NBAS: variants seen among roughly 807,000 people sequenced by gnomAD.
NBAS encodes the protein NBAS subunit of NRZ tethering complex.
Under a neutral mutation model 302.5 loss-of-function variants are expected in NBAS, and 219 were observed. That is an observed-to-expected ratio of 0.72 (90% CI 0.65 to 0.81). The LOEUF (loss-of-function observed/expected upper bound fraction) is 0.81. Ranked by LOEUF, NBAS falls within the 30% of genes least tolerant of loss-of-function variation. The probability of loss-of-function intolerance (pLI) is 0.00; values close to 1 mark genes in which losing one functional copy is unlikely to be tolerated. For synonymous variants in NBAS, 1,118 were observed against 1,021.6 expected, an observed-to-expected ratio of 1.09 and a Z score of -1.80; for missense variants, 2,932 against 2,841.6, an observed-to-expected ratio of 1.03 and a Z score of -0.72.
the NBAS span, among the ~76,000 whole-genome samples, chr2:14,869,496 T>C: frequency 3.3e-5 from 5 of 151,988 alleles, no homozygotes; most frequent in Admixed American, 3.3e-4. Context: ...CTACTCCTTC[T>C]TTTATGTTTT....
At chr2:14,991,032 C>T in the NBAS span, among the ~76,000 whole-genome samples, 98 of 152,114 alleles carry the variant, frequency 6.4e-4, no homozygotes, top group South Asian at 1.5e-3. Context: ...AGGAGGAAGA[C>T]AAAAGGAGGT....
the NBAS span, among the ~76,000 whole-genome samples, chr2:15,003,836 A>G: frequency 2.6e-5 from 4 of 152,226 alleles, no homozygotes; most frequent in African/African-American, 9.6e-5. Flanking sequence ...AAAGCACCTG[A>G]TATTTCAAGT....
intron 21 of NBAS, among the ~76,000 whole-genome samples, chr2:15,443,072 G>C (rs1210639461): frequency 4.0e-5 from 6 of 151,874 alleles, no homozygotes; most frequent in East Asian, 3.9e-4. Context: ...TCTACCAGAG[G>C]TACAAGGAGG....
chr2:15,244,534 CT>C, intron 44 of NBAS, among the ~76,000 whole-genome samples: 1 of 152,278 alleles, frequency 6.6e-6, no homozygotes, highest in Non-Finnish European at 1.5e-5. Context: ...CCAAATATCT[CT>C]TATTGTCTCC....
the NBAS span, among the ~76,000 whole-genome samples, chr2:14,885,236 G>A: frequency 3.9e-5 from 6 of 152,260 alleles, no homozygotes; most frequent in Admixed American, 2.6e-4. Context: ...ATGGTAGCTC[G>A]GACTAGAGTA....
chr2:14,877,653 T>G, the NBAS span, among the ~76,000 whole-genome samples: 1 of 152,102 alleles, frequency 6.6e-6, no homozygotes, highest in African/African-American at 2.4e-5. Context: ...TTTTAATGCA[T>G]TCGCTCAAAT....
At chr2:15,554,228 C>G (rs1290784531) in intron 3 of NBAS, 90 bp from the exon 4 acceptor site, 2 of 1,088,784 alleles carry the variant, frequency 1.8e-6, no homozygotes, top group Admixed American at 2.0e-5. Context: ...TAGAGAGAGA[C>G]ACAGATTTTT....
chr2:15,287,473 C>T (rs1670098168), intron 41 of NBAS, among the ~76,000 whole-genome samples: 1 of 152,164 alleles, frequency 6.6e-6, no homozygotes, highest in African/African-American at 2.4e-5. Context: ...ACATTGTGAG[C>T]ATAAAAAGTG....
intron 38 of NBAS, among the ~76,000 whole-genome samples, chr2:15,322,797 G>A (rs1671872570): frequency 6.6e-6 from 1 of 152,052 alleles, no homozygotes. Context: ...TCTGACAAAT[G>A]TTTGACACTA....
chr2:14,845,127 G>A, the NBAS span, among the ~76,000 whole-genome samples: 1 of 152,198 alleles, frequency 6.6e-6, no homozygotes, highest in African/African-American at 2.4e-5. Flanking sequence ...CTTTAGGTCT[G>A]ACTCAGTGCA....
At chr2:15,199,005 C>T (rs2147822307) in intron 48 of NBAS, among the ~76,000 whole-genome samples, 1 of 151,710 alleles carries the variant, frequency 6.6e-6, no homozygotes, top group Admixed American at 6.6e-5. Context: ...CAGGTGCCTG[C>T]AGTCCCAGCT....
At chr2:15,124,653 A>G in the NBAS span, among the ~76,000 whole-genome samples, 9 of 152,222 alleles carry the variant, frequency 5.9e-5, no homozygotes, top group African/African-American at 2.2e-4. Context: ...CTCCTGCTCA[A>G]TCTCAGGACA....
chr2:15,054,600 C>A, the NBAS span, among the ~76,000 whole-genome samples: 1 of 152,162 alleles, frequency 6.6e-6, no homozygotes, highest in African/African-American at 2.4e-5. Flanking sequence ...GCACTGTACC[C>A]AATTGAAGGG....
At chr2:14,814,464 A>T in the NBAS span, among the ~76,000 whole-genome samples, 1 of 152,188 alleles carries the variant, frequency 6.6e-6, no homozygotes, top group Non-Finnish European at 1.5e-5. Flanking sequence ...GTCAAAGGTG[A>T]TTATTTTGGA....
chr2:15,009,578 G>A, the NBAS span, among the ~76,000 whole-genome samples: 3 of 148,710 alleles, frequency 2.0e-5, no homozygotes. Context: ...ACAACCACAA[G>A]CTAGCAAGGT....
chr2:15,372,306 G>T (rs543578404), intron 31 of NBAS, among the ~76,000 whole-genome samples: 1 of 152,142 alleles, frequency 6.6e-6, no homozygotes, highest in South Asian at 2.1e-4. Context: ...TCACACATAG[G>T]GAGTCATTTT....
chr2:14,948,121 A>G, the NBAS span, among the ~76,000 whole-genome samples: 1 of 152,078 alleles, frequency 6.6e-6, no homozygotes, highest in Non-Finnish European at 1.5e-5. Context: ...TTTTGCATCT[A>G]TGATCATCAG....
chr2:14,802,919 T>G, the NBAS span, among the ~76,000 whole-genome samples: 1 of 139,368 alleles, frequency 7.2e-6, no homozygotes, highest in African/African-American at 2.7e-5. Flanking sequence ...GGGATAGCAT[T>G]GGGAGATATA....
the NBAS span, among the ~76,000 whole-genome samples, chr2:15,075,271 A>C: frequency 3.3e-5 from 5 of 151,174 alleles, no homozygotes; most frequent in Admixed American, 6.6e-5. Flanking sequence ...AGCTGAGATC[A>C]ACACATGTGC....
Sources: gnomAD v4.1 joint callset for allele counts (sites outside exome capture counted in the v4.1 genomes callset) on GRCh38, gnomAD v4.1.1 for gene constraint, MANE v1.5 for transcripts, NCBI Gene and HGNC (gene_info 2026-07-23, HGNC 2026-07-21) for gene names.